Variants in ZNF169 observed in about 807,000 individuals in gnomAD.
ZNF169 encodes zinc finger protein 169.
A neutral mutation model predicts 12.0 loss-of-function variants in ZNF169; 11 were observed. The observed-to-expected ratio is 0.92, with a 90% CI of 0.58 to 1.52. The LOEUF (loss-of-function observed/expected upper bound fraction) is 1.52, where lower values mean the gene tolerates loss of function less well. ZNF169 is among the 40% of genes most tolerant of loss of function. The probability of loss-of-function intolerance (pLI) is 0.00; values close to 1 mark genes in which losing one functional copy is unlikely to be tolerated. For missense variants in ZNF169, 722 were observed against 744.0 expected (o/e 0.97, Z 0.34); for synonymous variants, 302 against 286.5 (o/e 1.05, Z -0.55).
chr9:94,299,189 G>A (rs993391203), intron 4 of ZNF169, among the ~76,000 whole-genome samples: 5 of 152,204 alleles, frequency 3.3e-5, no homozygotes, highest in African/African-American at 1.2e-4. Flanking sequence ...CAGCATCAGG[G>A]ATTCCTCTTC....
At position 94,300,704 on chromosome 9, in the gene ZNF169, C is replaced by G; in HGVS notation, c.1146C>G (p.Ser382Arg). The change falls in exon 5 of 5, where the codon AGC (serine) becomes AGG (arginine). Residue 382 changes from serine to arginine, a missense_variant. By Grantham distance (110) the Ser-to-Arg change is moderately radical (BLOSUM62 -1). Coordinates refer to ENST00000395395, the MANE Select transcript of ZNF169 (RefSeq NM_194320.4). ...RPFLCLECGR[S>R]FRQQSLLLSH... ...TCCTGTGCCTTGAGTGTGGGCGTAG[C>G]TTCAGGCAGCAGTCACTCCTCCTTA... is the stretch of plus-strand genomic sequence containing the variant. 6.2e-7 allele frequency: 1 copy of G among 1,612,314 alleles called. No individual in the cohort carries two copies. The highest frequency in any genetic ancestry group is 8.5e-7 in the Non-Finnish European group (1 of 1,179,412).
In ZNF169 at chr9:94,282,977, G is replaced by T. The variant is rs182751181; in HGVS notation, c.33+4132G>T. 1.1e-3 allele frequency among the ~76,000 whole-genome samples: 161 copies of T among 152,244 alleles called. 1 individual carries two copies. The highest frequency in any genetic ancestry group is 7.8e-3 in the Admixed American group (120 of 15,292). On this transcript the variant is annotated intron_variant, in intron 2 of 4. Transcript: ENST00000395395. Reference sequence around the variant, plus strand: ...CTAAAAGAAACCTCATACCCATTAGGAGTTATTCCCCATTCGCCCCTCTCC... The same window carrying T: ...CTAAAAGAAACCTCATACCCATTAGTAGTTATTCCCCATTCGCCCCTCTCC...
intron 1 of ZNF169, among the ~76,000 whole-genome samples, chr9:94,275,678 G>A (rs1830505158): frequency 6.6e-6 from 1 of 151,994 alleles, no homozygotes; most frequent in South Asian, 2.1e-4. Context: ...TATCAGTGAT[G>A]TAAAATAGGA....
rs560061390 is a variant in ZNF169 at position 94,288,987 on chromosome 9, A to G, written c.34-3354A>G. Among the ~76,000 whole-genome samples the G allele has an allele frequency of 2.6e-5, 4 of 152,332 alleles. No homozygotes were observed. In the South Asian group the frequency reaches 8.3e-4, roughly 32 times the overall value. ...AAACTTGTTGATGGCTGAAGCAAAG[A>G]TTATCGTATGGTCTGATGTGGATTT... is the stretch of plus-strand genomic sequence containing the variant. On this transcript the variant is annotated intron_variant, in intron 2 of 4. Coordinates refer to ENST00000395395, the MANE Select transcript of ZNF169 (RefSeq NM_194320.4).
At chr9:94,283,869 G>T (rs768458104) in intron 2 of ZNF169, among the ~76,000 whole-genome samples, 1 of 151,804 alleles carries the variant, frequency 6.6e-6, no homozygotes, top group African/African-American at 2.4e-5. Flanking sequence ...AGGAGTTTGA[G>T]ACCAGCCTGA....
intron 1 of ZNF169, among the ~76,000 whole-genome samples, chr9:94,274,266 A>T (rs979275586): frequency 1.3e-5 from 2 of 152,184 alleles, no homozygotes; most frequent in African/African-American, 4.8e-5. Context: ...AGGGGTTAGG[A>T]TGTCAACATA....
rs776867028 is a variant in ZNF169 at position 94,300,617 on chromosome 9, A to G, written c.1059A>G (p.Arg353=). ...EKPFVCPECG[R]GFCQKASLLQ... The stretch of plus-strand genomic sequence containing the variant: ...CCTTCGTGTGTCCTGAGTGTGGGAG[A>G]GGCTTTTGCCAGAAGGCATCACTCC... Residue 353 remains arginine (R), a synonymous_variant, in exon 5 of 5, where the codon AGA becomes AGG. Transcript: ENST00000395395. The G allele has an allele frequency of 3.0e-5, 48 of 1,613,770 alleles. No individual in the cohort carries two copies. The highest frequency in any genetic ancestry group is 4.0e-5 in the Non-Finnish European group (47 of 1,179,932).
At position 94,275,302 on chromosome 9, in the gene ZNF169, G is replaced by T. The variant is rs555517463; in HGVS notation, c.-55-3456G>T. Among the ~76,000 whole-genome samples, 4 of 152,164 alleles carry T rather than the reference G, an allele frequency of 2.6e-5. No homozygotes were observed. In the East Asian group the frequency reaches 7.7e-4, roughly 29 times the overall value. On this transcript the variant is annotated intron_variant, in intron 1 of 4. Transcript: ENST00000395395. ...TGTATTGCTTTCATACCATTATAACGTCGAAAAATTGTAAGTTGAACCATT... is the reference window on the plus strand; with the variant it reads ...TGTATTGCTTTCATACCATTATAACTTCGAAAAATTGTAAGTTGAACCATT...
chr9:94,281,722 A>G (rs1287190640), intron 2 of ZNF169, among the ~76,000 whole-genome samples: 2 of 152,206 alleles, frequency 1.3e-5, no homozygotes, highest in Non-Finnish European at 2.9e-5. Context: ...GGTTTGGTTC[A>G]GAAAGGCGGG....
chr9:94,292,607 T>TTTGTGTGTGTGTGTGTGTGTGTG (rs386415517), intron 3 of ZNF169, 140 bp downstream of exon 3: 81 of 678,898 alleles, frequency 1.2e-4, no homozygotes, highest in East Asian at 4.9e-4. Context: ...CACAGTGCAG[T>TTTGTGTGTGTGTGTGTGTGTGTG]TGTGTGTGTG....
chr9:94,296,530 A>T (rs1431041639), intron 4 of ZNF169, among the ~76,000 whole-genome samples: 1 of 152,210 alleles, frequency 6.6e-6, no homozygotes. Flanking sequence ...GAGTAAATAT[A>T]CTTGATAAAA....
At chr9:94,288,246 G>C in intron 2 of ZNF169, 1 of 805,414 alleles carries the variant, frequency 1.2e-6, no homozygotes, top group Non-Finnish European at 2.2e-6. Context: ...TAGGTGAGAA[G>C]GACGAATTGA....
chr9:94,275,383 A>G (rs777205676), intron 1 of ZNF169, among the ~76,000 whole-genome samples: 26 of 152,160 alleles, frequency 1.7e-4, no homozygotes, highest in Non-Finnish European at 3.2e-4. Context: ...ATGCCTCAGT[A>G]TTTCATCTAC....
At position 94,301,259 on chromosome 9, in the gene ZNF169, G is replaced by GAAGCC; in HGVS notation, c.1702_1706dup (p.Tyr570SerfsTer51). 1 of 1,614,036 alleles carries GAAGCC rather than the reference G, an allele frequency of 6.2e-7. No individual in the cohort carries two copies. Among genetic ancestry groups the GAAGCC allele is most frequent in the Non-Finnish European group, 8.5e-7 (1 of 1,180,024 alleles). ...GACATCAGCGGACCCATTCTGGGGA[G>GAAGCC]AAGCCGTATGTCTGCAGGGAGTGTG... On this transcript the variant is annotated frameshift_variant, in exon 5 of 5. Coordinates refer to ENST00000395395, the MANE Select transcript of ZNF169 (RefSeq NM_194320.4). LOFTEE classifies it low-confidence loss of function (END_TRUNC).
intron 1 of ZNF169, among the ~76,000 whole-genome samples, chr9:94,275,170 G>A (rs932914543): frequency 2.0e-5 from 3 of 152,170 alleles, no homozygotes; most frequent in Non-Finnish European, 2.9e-5. Context: ...CCAGGAAGTT[G>A]GGGCTGCAGT....
Position 94,301,364 on chromosome 9 carries a change from C to T in ZNF169, c.1806C>T (p.Val602=), listed in dbSNP as rs1333575408. The T allele has an allele frequency of 1.2e-6, 2 of 1,602,146 alleles. No homozygotes were observed. Among genetic ancestry groups the T allele is most frequent in the Non-Finnish European group, 8.5e-7 (1 of 1,171,882 alleles). ...GTCATCAGCTCCTACCCCAAGAGGT[C>T]TTCTGACCTTTCCTTTCCCCGTGAG... ...KSGHQLLPQE[V]F is the part of the protein sequence containing the mutation. The change falls in exon 5 of 5, where the codon GTC becomes GTT. Residue 602 remains valine (V), a synonymous_variant. Coordinates refer to ENST00000395395, the MANE Select transcript of ZNF169 (RefSeq NM_194320.4).
At chr9:94,275,258 G>A (rs1587674925) in intron 1 of ZNF169, among the ~76,000 whole-genome samples, 1 of 152,090 alleles carries the variant, frequency 6.6e-6, no homozygotes, top group African/African-American at 2.4e-5. Flanking sequence ...TAAAAAAGAA[G>A]TATGGTTTTT....
At position 94,300,859 on chromosome 9, in the gene ZNF169, A is replaced by C; in HGVS notation, c.1301A>C (p.Gln434Pro). The change falls in exon 5 of 5, where the codon CAG becomes CCG. Residue 434 changes from glutamine (Q) to proline (P), a missense_variant. Coordinates refer to ENST00000395395, the MANE Select transcript of ZNF169 (RefSeq NM_194320.4). Reference protein sequence around the residue: ...HTGEKPYLCPQCGRGFSQKVT... With the variant: ...HTGEKPYLCPPCGRGFSQKVT... The stretch of plus-strand genomic sequence containing the variant: ...GGGGAGAAGCCTTACCTGTGCCCCC[A>C]GTGTGGGCGGGGTTTTAGCCAGAAG... The C allele has an allele frequency of 2.5e-6, 4 of 1,614,008 alleles. No homozygotes were observed. Among genetic ancestry groups the C allele is most frequent in the Non-Finnish European group, 3.4e-6 (4 of 1,179,966 alleles).
At chr9:94,270,812 TTATATA>T (rs1830392274) in intron 1 of ZNF169, among the ~76,000 whole-genome samples, 1 of 24,996 alleles carries the variant, frequency 4.0e-5, no homozygotes, top group East Asian at 2.5e-3. Flanking sequence ...ATATATTATA[TTATATA>T]AATATATATA....
Sources: gnomAD v4.1 joint callset for allele counts (sites outside exome capture counted in the v4.1 genomes callset) on GRCh38, gnomAD v4.1.1 for gene constraint, MANE v1.5 for transcripts, NCBI Gene and HGNC (gene_info 2026-07-23, HGNC 2026-07-21) for gene names.